The following TAFA2 variants were observed in gnomAD, a reference collection of about 807,000 sequenced individuals.
The protein encoded by TAFA2 is chemokine-like protein TAFA-2.
A neutral mutation model predicts 18.8 loss-of-function variants in TAFA2; 7 were observed. That is an observed-to-expected ratio of 0.37 (90% CI 0.21 to 0.70). TAFA2 has a LOEUF of 0.70. Ranked by LOEUF, TAFA2 falls within the 30% of genes least tolerant of loss-of-function variation. The pLI, the probability that TAFA2 is intolerant of heterozygous loss-of-function variation, is 0.53. For missense variants in TAFA2, 122 were observed against 158.1 expected (o/e 0.77, Z 1.23); for synonymous variants, 60 against 54.2 (o/e 1.11, Z -0.47).
chr12:62,007,852 C>A (rs142651411), intron 1 of TAFA2, among the ~76,000 whole-genome samples: 816 of 152,372 alleles, frequency 5.4e-3, no homozygotes, highest in Non-Finnish European at 8.7e-3. Context: ...ATTCAAAATT[C>A]TCTCTTCTAG....
intron 1 of TAFA2, among the ~76,000 whole-genome samples, chr12:61,892,470 T>C (rs1875678030): frequency 6.6e-6 from 1 of 152,174 alleles, no homozygotes; most frequent in African/African-American, 2.4e-5. Flanking sequence ...CCAGTCAAGT[T>C]TGAATTTCCA....
intron 1 of TAFA2, among the ~76,000 whole-genome samples, chr12:61,983,302 A>G (rs770250794): frequency 6.6e-6 from 1 of 152,214 alleles, no homozygotes; most frequent in African/African-American, 2.4e-5. Context: ...GACTCACAGA[A>G]TGAAACACTT....
intron 2 of TAFA2, among the ~76,000 whole-genome samples, chr12:61,792,471 A>T (rs921184938): frequency 7.3e-5 from 11 of 151,648 alleles, no homozygotes; most frequent in African/African-American, 2.4e-4. Flanking sequence ...ATCATTACAC[A>T]ATGTATATAT....
intron 1 of TAFA2, among the ~76,000 whole-genome samples, chr12:61,921,539 G>A (rs1877054675): frequency 6.6e-6 from 1 of 152,006 alleles, no homozygotes. Flanking sequence ...GGTGTGGTGT[G>A]GTGGGGTATG....
intron 4 of TAFA2, among the ~76,000 whole-genome samples, chr12:61,736,330 T>A (rs1868303728): frequency 6.6e-6 from 1 of 152,086 alleles, no homozygotes; most frequent in South Asian, 2.1e-4. Context: ...TTTTGTTAAG[T>A]TCTTCAGTTT....
chr12:62,062,917 A>G (rs544204542), intron 1 of TAFA2, among the ~76,000 whole-genome samples: 1 of 152,190 alleles, frequency 6.6e-6, no homozygotes, highest in East Asian at 1.9e-4. Flanking sequence ...AGCCAGCAAC[A>G]GCGGATGGAG....
At chr12:62,008,251 AC>A (rs11312073) in intron 1 of TAFA2, among the ~76,000 whole-genome samples, 51,687 of 152,014 alleles carry the variant, frequency 0.34, 9,000 homozygotes, top group East Asian at 0.45. Context: ...CTTCTTTGTT[AC>A]TGTCATTTCC....
chr12:62,160,584 G>A (rs1158106799), intron 1 of TAFA2, among the ~76,000 whole-genome samples: 1 of 152,164 alleles, frequency 6.6e-6, no homozygotes, highest in Non-Finnish European at 1.5e-5. Context: ...TGTTTTGCCT[G>A]CCATCCAAGG....
chr12:61,833,682 A>G (rs1289268882), intron 2 of TAFA2, among the ~76,000 whole-genome samples: 1 of 151,628 alleles, frequency 6.6e-6, no homozygotes, highest in South Asian at 2.1e-4. Context: ...CATTTTCTTA[A>G]TTTTTCTTCC....
At chr12:62,088,308 A>G in intron 1 of TAFA2, among the ~76,000 whole-genome samples, 1 of 148,858 alleles carries the variant, frequency 6.7e-6, no homozygotes, top group South Asian at 2.2e-4. Context: ...AAAACTTCAG[A>G]AGAAAAAAAA....
upstream of TAFA2, chr12:62,192,842 A>G (rs2062633038): frequency 6.6e-6 from 1 of 152,254 alleles, no homozygotes; most frequent in South Asian, 2.1e-4. Context: ...CTGGTATAAA[A>G]GCTGGACTAT....
rs996749817 is a variant in TAFA2 at position 61,969,532 on chromosome 12, A to G, written c.-1-102106T>C. ...CTAAATCTTATATTCCTCATTGTGTAAGAGGGCAATGCATAAGAGGTACAC... is the reference window on the plus strand; with the variant it reads ...CTAAATCTTATATTCCTCATTGTGTGAGAGGGCAATGCATAAGAGGTACAC... On this transcript the variant is annotated intron_variant, in intron 1 of 4. Transcript: ENST00000416284. Among the ~76,000 whole-genome samples the G allele has an allele frequency of 2.6e-5, 4 of 151,696 alleles. No homozygotes were observed. The East Asian group carries it at 5.8e-4, about 22-fold the overall frequency.
chr12:61,802,020 A>G (rs993370780), intron 2 of TAFA2, among the ~76,000 whole-genome samples: 3 of 152,248 alleles, frequency 2.0e-5, no homozygotes, highest in African/African-American at 4.8e-5. Context: ...AAAGCTCAAT[A>G]TCATTAATCA....
intron 1 of TAFA2, among the ~76,000 whole-genome samples, chr12:62,221,215 G>GGGAAGGA (rs2062759874): frequency 3.0e-5 from 2 of 65,952 alleles, no homozygotes; most frequent in Admixed American, 1.8e-4. Flanking sequence ...GGAAGGAAGG[G>GGGAAGGA]GGGAAGGAAG....
rs1869340095 is a variant in TAFA2, at chr12:61,710,367, A to G, written c.*39T>C. 1 of 1,601,172 alleles carries G rather than the reference A, an allele frequency of 6.2e-7. No individual in the cohort carries two copies. ...GAGTTAAGTTTCTATGCGCATGTTC[A>G]ATGTCATCAGCCTTGAGGATCACTT... On this transcript the variant is annotated 3_prime_UTR_variant, in exon 5 of 5. Transcript: ENST00000416284.
At chr12:61,918,339 C>G (rs563531695) in intron 1 of TAFA2, among the ~76,000 whole-genome samples, 1 of 152,156 alleles carries the variant, frequency 6.6e-6, no homozygotes, top group Non-Finnish European at 1.5e-5. Context: ...CCTCAGGTAA[C>G]CATTCTTCTA....
chr12:61,899,110 C>G (rs1875985091), intron 1 of TAFA2, among the ~76,000 whole-genome samples: 1 of 152,186 alleles, frequency 6.6e-6, no homozygotes, highest in Non-Finnish European at 1.5e-5. Flanking sequence ...GCCTGGACTT[C>G]ATTGTCCATA....
chr12:61,739,865 C>T (rs1282673779), intron 4 of TAFA2, among the ~76,000 whole-genome samples: 2 of 152,090 alleles, frequency 1.3e-5, no homozygotes, highest in Non-Finnish European at 2.9e-5. Flanking sequence ...ATTATCCTGA[C>T]TGTCGGCCAA....
intron 1 of TAFA2, among the ~76,000 whole-genome samples, chr12:62,157,631 C>A (rs2062380119): frequency 6.6e-6 from 1 of 152,148 alleles, no homozygotes; most frequent in Admixed American, 6.5e-5. Flanking sequence ...CACTTGCTGT[C>A]CGCTCCTCAG....
Sources: gnomAD v4.1 joint callset for allele counts (sites outside exome capture counted in the v4.1 genomes callset) on GRCh38, gnomAD v4.1.1 for gene constraint, MANE v1.5 for transcripts, NCBI Gene and HGNC (gene_info 2026-07-23, HGNC 2026-07-21) for gene names.